MAPRE2: variants seen among roughly 807,000 people sequenced by gnomAD.
MAPRE2 encodes microtubule-associated protein RP/EB family member 2.
Under a neutral mutation model 43.2 loss-of-function variants are expected in MAPRE2, and 13 were observed. The observed-to-expected ratio is 0.30, with a 90% CI of 0.20 to 0.48. The LOEUF (loss-of-function observed/expected upper bound fraction) is 0.48. Ranked by LOEUF, MAPRE2 falls within the 20% of genes least tolerant of loss-of-function variation. The pLI, the probability that MAPRE2 is intolerant of heterozygous loss-of-function variation, is 0.99. For synonymous variants in MAPRE2, 135 were observed against 148.8 expected (o/e 0.91, Z 0.68); for missense variants, 161 against 400.2 (o/e 0.40, Z 5.10).
intron 6 of MAPRE2, among the ~76,000 whole-genome samples, chr18:35,139,653 G>A (rs546735770): frequency 6.6e-6 from 1 of 152,148 alleles, no homozygotes; most frequent in Non-Finnish European, 1.5e-5. Flanking sequence ...TCATTGGGAG[G>A]GGCCTCTTTG....
In MAPRE2 at chr18:35,000,393, T is replaced by A. The variant is rs149233285; in HGVS notation, c.-69-5099T>A. Among the ~76,000 whole-genome samples the A allele has an allele frequency of 3.3e-3, 498 of 152,372 alleles. 1 individual carries two copies. Among genetic ancestry groups the A allele is most frequent in the African/African-American group, 0.012 (487 of 41,584 alleles). On this transcript the variant is annotated intron_variant, in intron 1 of 7. Transcript: ENST00000413393. ...TGGCATGGCATGATTTGAAATATTT[T>A]TACAAACATATTTTTCATTCTGATA...
chr18:35,047,725 A>AAC (rs1374611378), intron 1 of MAPRE2, among the ~76,000 whole-genome samples: 4 of 151,896 alleles, frequency 2.6e-5, no homozygotes, highest in Non-Finnish European at 5.9e-5. Context: ...TTAAAAAAAA[A>AAC]AAAAAAACAC....
intron 2 of MAPRE2, among the ~76,000 whole-genome samples, chr18:35,028,743 C>T (rs1568976340): frequency 1.3e-5 from 2 of 152,340 alleles, no homozygotes; most frequent in Non-Finnish European, 2.9e-5. Flanking sequence ...GCTCTTTATA[C>T]TGCAAGCCAT....
At chr18:35,137,290 A>C (rs186939027) in intron 6 of MAPRE2, among the ~76,000 whole-genome samples, 1 of 152,208 alleles carries the variant, frequency 6.6e-6, no homozygotes, top group Non-Finnish European at 1.5e-5. Flanking sequence ...CTGGATGTGC[A>C]TGAGAAGCAG....
chr18:35,068,743 T>A (rs566897487), intron 1 of MAPRE2, among the ~76,000 whole-genome samples: 1 of 152,328 alleles, frequency 6.6e-6, no homozygotes, highest in South Asian at 2.1e-4. Flanking sequence ...GAAGTTTTAG[T>A]GAATTATTGG....
chr18:34,981,784 C>G (rs2097016318), intron 1 of MAPRE2, among the ~76,000 whole-genome samples: 2 of 151,994 alleles, frequency 1.3e-5, no homozygotes, highest in South Asian at 4.2e-4. Flanking sequence ...TTTGGCTACA[C>G]AAGACTAGTT....
At position 35,102,161 on chromosome 18, in the gene MAPRE2, T is replaced by TATTG; in HGVS notation, c.610+3_610+6dup. 6.3e-7 allele frequency: 1 copy of TATTG among 1,584,486 alleles called. No homozygotes were observed. The highest frequency in any genetic ancestry group is 8.6e-7 in the Non-Finnish European group (1 of 1,168,300). On this transcript the variant is annotated splice_region_variant and intron_variant, in intron 4 of 6. Transcript: ENST00000300249. ...ACCATGCAAACTCCCCCACAGCAGG[T>TATTG]ATTGTCACAATGAGATTGCGGGAGT...
intron 2 of MAPRE2, among the ~76,000 whole-genome samples, chr18:35,029,188 T>C (rs564058358): frequency 2.0e-4 from 30 of 152,368 alleles, no homozygotes; most frequent in African/African-American, 7.0e-4. Context: ...GATTTCCAGT[T>C]GCATTTTTTT....
chr18:35,015,881 C>T (rs905802926), intron 2 of MAPRE2, among the ~76,000 whole-genome samples: 1 of 151,958 alleles, frequency 6.6e-6, no homozygotes, highest in East Asian at 1.9e-4. Flanking sequence ...ACGATGCTGA[C>T]GTTTTGGGTA....
chr18:35,026,594 G>A (rs1260679463), intron 2 of MAPRE2, among the ~76,000 whole-genome samples: 2 of 151,942 alleles, frequency 1.3e-5, no homozygotes, highest in Non-Finnish European at 2.9e-5. Flanking sequence ...GTTGATGTTT[G>A]TCACTACCAC....
At chr18:35,090,872 G>A (rs1255165464) in intron 2 of MAPRE2, among the ~76,000 whole-genome samples, 1 of 151,994 alleles carries the variant, frequency 6.6e-6, no homozygotes, top group African/African-American at 2.4e-5. Context: ...TTTGTTGCAG[G>A]ATACAAAATC....
At chr18:35,044,304 C>T (rs1905510576) in intron 1 of MAPRE2, among the ~76,000 whole-genome samples, 1 of 152,246 alleles carries the variant, frequency 6.6e-6, no homozygotes, top group African/African-American at 2.4e-5. Flanking sequence ...AATCTCTGCT[C>T]ACTGCAACCT....
In MAPRE2 at chr18:35,024,397, G is replaced by A. The variant is rs150000781; in HGVS notation, c.-8+18844G>A. Among the ~76,000 whole-genome samples the A allele has an allele frequency of 3.8e-3, 573 of 152,308 alleles. 2 individuals are homozygous for A. The highest frequency in any genetic ancestry group is 0.013 in the African/African-American group (545 of 41,570). ...TGCTCTGACAGCATCCTTGACTCAT[G>A]AAGTATCTTTTGCAATAGTTGCTGA... is the stretch of plus-strand genomic sequence containing the variant. On this transcript the variant is annotated intron_variant, in intron 2 of 7. Coordinates refer to the MAPRE2 transcript ENST00000413393.
intron 1 of MAPRE2, among the ~76,000 whole-genome samples, chr18:35,067,412 T>C (rs1188317579): frequency 6.6e-6 from 1 of 152,184 alleles, no homozygotes; most frequent in Non-Finnish European, 1.5e-5. Flanking sequence ...CTTCCTTGTT[T>C]ATATGGATTT....
chr18:35,034,301 G>T (rs896159021), intron 2 of MAPRE2, among the ~76,000 whole-genome samples: 6 of 152,188 alleles, frequency 3.9e-5, no homozygotes, highest in African/African-American at 1.4e-4. Context: ...GGGAAAACTG[G>T]CTAGCCATCC....
chr18:35,112,400 A>G (rs140836536), intron 4 of MAPRE2, among the ~76,000 whole-genome samples: 36 of 152,002 alleles, frequency 2.4e-4, no homozygotes, highest in African/African-American at 7.7e-4. Flanking sequence ...TGAACTCTCA[A>G]CCTCAGGTGA....
chr18:35,069,162 A>AAGG (rs1906983252), intron 1 of MAPRE2, among the ~76,000 whole-genome samples: 1 of 152,220 alleles, frequency 6.6e-6, no homozygotes, highest in Non-Finnish European at 1.5e-5. Context: ...CAGACAACCT[A>AAGG]GTTCCTTCAA....
chr18:35,008,994 A>G (rs1568970226), intron 2 of MAPRE2, among the ~76,000 whole-genome samples: 1 of 152,018 alleles, frequency 6.6e-6, no homozygotes, highest in Non-Finnish European at 1.5e-5. Flanking sequence ...ACATATATAT[A>G]TATGAATGAT....
chr18:34,996,086 A>G (rs1277523004), intron 1 of MAPRE2, among the ~76,000 whole-genome samples: 1 of 152,194 alleles, frequency 6.6e-6, no homozygotes, highest in Non-Finnish European at 1.5e-5. Flanking sequence ...GAGAAAAACA[A>G]ATGATCTTCA....
Sources: allele counts gnomAD v4.1 joint callset (sites outside exome capture counted in the v4.1 genomes callset), GRCh38; gene constraint gnomAD v4.1.1; transcripts MANE v1.5; gene names NCBI Gene and HGNC (gene_info 2026-07-23, HGNC 2026-07-21).